TMC1: variants seen among roughly 807,000 people sequenced by gnomAD.
The protein encoded by TMC1 is transmembrane channel-like protein 1.
Under a neutral mutation model 105.8 loss-of-function variants are expected in TMC1, and 84 were observed. That is an observed-to-expected ratio of 0.79 (90% CI 0.67 to 0.95). The LOEUF is 0.95. Ranked by LOEUF, TMC1 falls within the 40% of genes least tolerant of loss-of-function variation. TMC1 has a pLI of 0.00. For synonymous variants in TMC1, 315 were observed against 311.5 expected (o/e 1.01, Z -0.12); for missense variants, 817 against 914.1 (o/e 0.89, Z 1.37).
intron 1 of TMC1, among the ~76,000 whole-genome samples, chr9:72,556,814 C>A (rs576867948): frequency 6.6e-6 from 1 of 152,058 alleles, no homozygotes; most frequent in East Asian, 2.0e-4. Flanking sequence ...GAGCGAGACT[C>A]TGTCTTGGAA....
intron 1 of TMC1, among the ~76,000 whole-genome samples, chr9:72,531,541 T>C (rs1019425221): frequency 1.3e-5 from 2 of 152,196 alleles, no homozygotes; most frequent in Non-Finnish European, 2.9e-5. Context: ...ATGATTTATT[T>C]CCTAAAGCAA....
chr9:72,749,517 G>GT (rs1420003492), intron 10 of TMC1, among the ~76,000 whole-genome samples: 2 of 152,112 alleles, frequency 1.3e-5, no homozygotes, highest in Non-Finnish European at 2.9e-5. Flanking sequence ...TGGGAGCCAA[G>GT]TGGGTGATCA....
At chr9:72,615,379 T>C (rs1011174586) in intron 2 of TMC1, among the ~76,000 whole-genome samples, 9 of 152,186 alleles carry the variant, frequency 5.9e-5, no homozygotes, top group African/African-American at 2.2e-4. Flanking sequence ...TTTTAGAGCC[T>C]ATTTTCAACC....
intron 17 of TMC1, among the ~76,000 whole-genome samples, chr9:72,795,481 G>C (rs572256107): frequency 6.6e-6 from 1 of 152,172 alleles, no homozygotes; most frequent in Admixed American, 6.5e-5. Context: ...AAGCAGTCAG[G>C]GTCCTATATT....
chr9:72,559,731 G>A (rs1824012540), intron 1 of TMC1, among the ~76,000 whole-genome samples: 1 of 152,036 alleles, frequency 6.6e-6, no homozygotes, highest in Non-Finnish European at 1.5e-5. Context: ...AAAAAAGAGT[G>A]GTTAAATTTT....
At chr9:72,563,688 C>T (rs1479681104) in intron 1 of TMC1, among the ~76,000 whole-genome samples, 1 of 151,818 alleles carries the variant, frequency 6.6e-6, no homozygotes, top group East Asian at 1.9e-4. Context: ...CACCTGAGGC[C>T]AGGAGCTCGA....
chr9:72,822,321 C>T (rs1368980080), intron 20 of TMC1, among the ~76,000 whole-genome samples: 1 of 152,104 alleles, frequency 6.6e-6, no homozygotes, highest in Non-Finnish European at 1.5e-5. Context: ...GTTGTCAGAC[C>T]CAAGTTATTT....
Position 72,631,759 on chromosome 9 carries a change from C to T in TMC1, c.-53+3696C>T, listed in dbSNP as rs140789130. Among the ~76,000 whole-genome samples the T allele has an allele frequency of 2.6e-5, 4 of 152,240 alleles. No homozygotes were observed. The East Asian group carries it at 7.7e-4, about 29-fold the overall frequency. ...GCCTATTGAAAACACCAAATCTGAG[C>T]ATGTGTGTCATTGTCCAGGAATAAA... is the stretch of plus-strand genomic sequence containing the variant. On this transcript the variant is annotated intron_variant, in intron 4 of 23. Coordinates refer to ENST00000297784, the MANE Select transcript of TMC1 (RefSeq NM_138691.3).
chr9:72,706,332 G>A (rs374183259), intron 8 of TMC1, among the ~76,000 whole-genome samples: 7 of 152,138 alleles, frequency 4.6e-5, no homozygotes, highest in East Asian at 3.8e-4. Flanking sequence ...ACATTTAAGC[G>A]TGTGAACACA....
At chr9:72,750,072 A>G (rs1827555118) in intron 10 of TMC1, among the ~76,000 whole-genome samples, 1 of 152,134 alleles carries the variant, frequency 6.6e-6, no homozygotes. Context: ...GCGCCACTGC[A>G]CTCCAACCTG....
chr9:72,591,925 C>T lies in TMC1; in HGVS notation c.-306+13902C>T, dbSNP rs116179867. Among the ~76,000 whole-genome samples, 617 of 152,136 alleles carry T rather than the reference C, an allele frequency of 4.1e-3. 3 individuals carry two copies. The highest frequency in any genetic ancestry group is 0.014 in the African/African-American group (586 of 41,516). On this transcript the variant is annotated intron_variant, in intron 2 of 23. Coordinates refer to ENST00000297784, the MANE Select transcript of TMC1 (RefSeq NM_138691.3). The stretch of plus-strand genomic sequence containing the variant: ...TTGATTTAGTAGGTCGTGGATGGGG[C>T]CTGAGAATTTGCATTTCTGACAAAT...
At chr9:72,785,860 G>A (rs1828159994) in intron 13 of TMC1, among the ~76,000 whole-genome samples, 1 of 152,158 alleles carries the variant, frequency 6.6e-6, no homozygotes, top group South Asian at 2.1e-4. Context: ...ATGGAAAAGA[G>A]AGAACTAGTC....
At chr9:72,800,434 A>T (rs1395128494) in intron 17 of TMC1, among the ~76,000 whole-genome samples, 1 of 152,236 alleles carries the variant, frequency 6.6e-6, no homozygotes, top group Non-Finnish European at 1.5e-5. Context: ...TGGGATTAAT[A>T]GAATTAGCTG....
chr9:72,771,204 A>T (rs1564543674), intron 12 of TMC1, among the ~76,000 whole-genome samples: 2 of 152,152 alleles, frequency 1.3e-5, no homozygotes, highest in Non-Finnish European at 2.9e-5. Context: ...TTCCTCTGAG[A>T]TTATTTGGAG....
At chr9:72,603,863 T>G (rs922471336) in intron 2 of TMC1, among the ~76,000 whole-genome samples, 10 of 144,882 alleles carry the variant, frequency 6.9e-5, no homozygotes, top group Admixed American at 2.1e-4. Flanking sequence ...TTTTTTTTTT[T>G]TTTTTTTTTT....
intron 17 of TMC1, among the ~76,000 whole-genome samples, chr9:72,805,127 C>T (rs1189703812): frequency 1.3e-5 from 2 of 152,010 alleles, no homozygotes; most frequent in African/African-American, 4.8e-5. Context: ...GTTTTTGGCT[C>T]TCGTATCATG....
At chr9:72,622,754 T>G (rs1436201802) in intron 3 of TMC1, among the ~76,000 whole-genome samples, 2 of 152,064 alleles carry the variant, frequency 1.3e-5, no homozygotes, top group African/African-American at 4.8e-5. Flanking sequence ...GACCCTTGTT[T>G]GAAAGCGTTT....
At chr9:72,700,723 TATATATATATATATATATATAC>T in intron 8 of TMC1, 80 bp downstream of exon 8, 10 of 236,726 alleles carry the variant, frequency 4.2e-5, no homozygotes, top group South Asian at 8.4e-5. Flanking sequence ...CATATATATA[TATATATATATATATATATATAC>T]ACACACACAC....
chr9:72,738,334 T>G (rs375108489), intron 8 of TMC1, among the ~76,000 whole-genome samples: 1 of 152,308 alleles, frequency 6.6e-6, no homozygotes, highest in South Asian at 2.1e-4. Context: ...TGTGCTGTTT[T>G]TTTGGTCACT....
Sources: allele counts gnomAD v4.1 joint callset (sites outside exome capture counted in the v4.1 genomes callset), GRCh38; gene constraint gnomAD v4.1.1; transcripts MANE v1.5; gene names NCBI Gene and HGNC (gene_info 2026-07-23, HGNC 2026-07-21).